GALK2: variants seen among roughly 807,000 people sequenced by gnomAD.
The protein encoded by GALK2 is galactokinase 2.
A neutral mutation model predicts 52.4 loss-of-function variants in GALK2; 36 were observed. The ratio of observed to expected loss-of-function variants is 0.69; its 90% confidence interval spans 0.53 to 0.91. The LOEUF (loss-of-function observed/expected upper bound fraction) is 0.91. Among genes scored for constraint, GALK2 ranks in the 40% least tolerant of loss-of-function variants. The pLI, the probability that GALK2 is intolerant of heterozygous loss-of-function variation, is 0.00. For missense variants in GALK2, 579 were observed against 559.1 expected, an observed-to-expected ratio of 1.04 and a Z score of -0.36; for synonymous variants, 176 against 199.1, an observed-to-expected ratio of 0.88 and a Z score of 0.98.
intron 5 of GALK2, among the ~76,000 whole-genome samples, chr15:49,259,603 A>G (rs1210477157): frequency 6.9e-6 from 1 of 144,072 alleles, no homozygotes; most frequent in Non-Finnish European, 1.5e-5. Context: ...TTATACTTTA[A>G]GTTTTAGGGT....
intron 7 of GALK2, among the ~76,000 whole-genome samples, chr15:49,287,052 G>A (rs563756893): frequency 1.3e-5 from 2 of 152,136 alleles, no homozygotes; most frequent in African/African-American, 2.4e-5. Flanking sequence ...AAAAGTTATT[G>A]GGATGTGGGA....
chr15:49,201,798 A>G (rs2087800857), intron 2 of GALK2, among the ~76,000 whole-genome samples: 1 of 152,220 alleles, frequency 6.6e-6, no homozygotes, highest in Non-Finnish European at 1.5e-5. Flanking sequence ...ACATAGTTGT[A>G]CTTAGACTAC....
intron 8 of GALK2, among the ~76,000 whole-genome samples, chr15:49,309,105 T>C (rs902636130): frequency 1.3e-5 from 2 of 152,192 alleles, no homozygotes; most frequent in Non-Finnish European, 1.5e-5. Flanking sequence ...CTAACAGGCA[T>C]AGGTCAGTTG....
At chr15:49,182,004 A>G (rs545727822) in intron 1 of GALK2, among the ~76,000 whole-genome samples, 5 of 152,256 alleles carry the variant, frequency 3.3e-5, no homozygotes, top group South Asian at 4.1e-4. Context: ...AAACTTTCCA[A>G]TGATAATCTT....
chr15:49,358,808 G>A (rs1227806247), intron 3 of GALK2, among the ~76,000 whole-genome samples: 1 of 152,016 alleles, frequency 6.6e-6, no homozygotes, highest in African/African-American at 2.4e-5. Flanking sequence ...GAACAAAGCT[G>A]GAGACATCAC....
intron 8 of GALK2, among the ~76,000 whole-genome samples, chr15:49,295,994 G>A (rs1407482272): frequency 3.3e-5 from 5 of 151,922 alleles, no homozygotes; most frequent in African/African-American, 1.2e-4. Flanking sequence ...AACATGTATT[G>A]CTCTCTCTCT....
chr15:49,191,781 A>G (rs2086738857), intron 1 of GALK2, among the ~76,000 whole-genome samples: 1 of 152,100 alleles, frequency 6.6e-6, no homozygotes, highest in Non-Finnish European at 1.5e-5. Context: ...CCAAATTTTC[A>G]TTTACTGATT....
chr15:49,355,545 G>C (rs1567137292), intron 3 of GALK2, among the ~76,000 whole-genome samples: 1 of 152,096 alleles, frequency 6.6e-6, no homozygotes, highest in Non-Finnish European at 1.5e-5. Flanking sequence ...AGAGAAAAAA[G>C]AATAAAAAGA....
At chr15:49,199,867 G>T (rs1566929840) in intron 1 of GALK2, among the ~76,000 whole-genome samples, 1 of 152,136 alleles carries the variant, frequency 6.6e-6, no homozygotes, top group Non-Finnish European at 1.5e-5. Context: ...AGAGAATGAG[G>T]CAGGAAGAGA....
Position 49,304,608 on chromosome 15 carries a change from G to T in GALK2, c.967+12071G>T, listed in dbSNP as rs189689698. 1.6e-3 allele frequency among the ~76,000 whole-genome samples: 242 copies of T among 152,328 alleles called. 4 individuals are homozygous for T. Among genetic ancestry groups the T allele is most frequent in the Admixed American group, 8.1e-3 (124 of 15,304 alleles). On this transcript the variant is annotated intron_variant, in intron 8 of 9. Coordinates refer to ENST00000560031, the MANE Select transcript of GALK2 (RefSeq NM_002044.4). ...ATGGATGTGATGAACTTCAGTGAGG[G>T]TGAGGTAGTACAGTCTTAATATGTG...
At chr15:49,175,244 A>G (rs2085359140) in intron 1 of GALK2, among the ~76,000 whole-genome samples, 1 of 152,186 alleles carries the variant, frequency 6.6e-6, no homozygotes, top group Non-Finnish European at 1.5e-5. Flanking sequence ...GCTGGCTGAA[A>G]CTAGCTTAAG....
At chr15:49,202,928 T>G (rs1230626249) in intron 2 of GALK2, among the ~76,000 whole-genome samples, 1 of 152,238 alleles carries the variant, frequency 6.6e-6, no homozygotes, top group African/African-American at 2.4e-5. Flanking sequence ...CTGGTGGTTT[T>G]GATTTGCATT....
At chr15:49,264,332 A>T (rs866579709) in intron 5 of GALK2, among the ~76,000 whole-genome samples, 1 of 151,720 alleles carries the variant, frequency 6.6e-6, no homozygotes, top group African/African-American at 2.4e-5. Context: ...ATCTTCCATC[A>T]CTGATACCCT....
At chr15:49,351,853 T>A (rs781621670) in intron 3 of GALK2, among the ~76,000 whole-genome samples, 3 of 152,200 alleles carry the variant, frequency 2.0e-5, no homozygotes, top group Non-Finnish European at 4.4e-5. Flanking sequence ...TCAGTGGATG[T>A]GGGCTAGCTT....
intron 5 of GALK2, among the ~76,000 whole-genome samples, chr15:49,278,099 A>G (rs1340121826): frequency 4.6e-5 from 7 of 151,876 alleles, no homozygotes; most frequent in Non-Finnish European, 7.4e-5. Context: ...CGTCTCTACT[A>G]AAAATACAAA....
chr15:49,361,281 T>C (rs951404048), intron 3 of GALK2, among the ~76,000 whole-genome samples: 2 of 152,160 alleles, frequency 1.3e-5, no homozygotes, highest in African/African-American at 2.4e-5. Context: ...GGGGTACATG[T>C]GGAGGTTTGT....
chr15:49,216,598 G>A (rs1473129305), intron 2 of GALK2, among the ~76,000 whole-genome samples: 1 of 152,208 alleles, frequency 6.6e-6, no homozygotes, highest in African/African-American at 2.4e-5. Flanking sequence ...TGCAGTACTT[G>A]TGGCCTGACA....
intron 1 of GALK2, among the ~76,000 whole-genome samples, chr15:49,178,167 C>CAAA (rs376324541): frequency 1.5e-5 from 1 of 66,610 alleles, no homozygotes; most frequent in Non-Finnish European, 2.7e-5. Flanking sequence ...GACTCTGTTT[C>CAAA]AAAAAAAAAA....
At chr15:49,347,770 A>G (rs1406102152) in intron 3 of GALK2, among the ~76,000 whole-genome samples, 1 of 152,116 alleles carries the variant, frequency 6.6e-6, no homozygotes, top group African/African-American at 2.4e-5. Context: ...AGTAATCTCA[A>G]CACTTTGGGA....
Sources: gnomAD v4.1 joint callset for allele counts (sites outside exome capture counted in the v4.1 genomes callset) on GRCh38, gnomAD v4.1.1 for gene constraint, MANE v1.5 for transcripts, NCBI Gene and HGNC (gene_info 2026-07-23, HGNC 2026-07-21) for gene names.